The following SV2C variants were observed in gnomAD, a reference collection of about 807,000 sequenced individuals.
SV2C encodes solute carrier family 22 member B3.
SV2C carries 49 observed loss-of-function variants against 79.7 expected under a neutral mutation model. The ratio of observed to expected loss-of-function variants is 0.61; its 90% confidence interval spans 0.49 to 0.78. The LOEUF (loss-of-function observed/expected upper bound fraction) is 0.78, where lower values mean the gene tolerates loss of function less well. Among genes scored for constraint, SV2C ranks in the 30% least tolerant of loss-of-function variants. The probability of loss-of-function intolerance (pLI) is 0.00; values close to 1 mark genes in which losing one functional copy is unlikely to be tolerated. For synonymous variants in SV2C, 334 were observed against 333.2 expected, an observed-to-expected ratio of 1.00 and a Z score of -0.03; for missense variants, 833 against 912.9, an observed-to-expected ratio of 0.91 and a Z score of 1.13.
intron 4 of SV2C, among the ~76,000 whole-genome samples, chr5:76,230,450 A>G (rs1441499489): frequency 2.6e-5 from 4 of 152,206 alleles, no homozygotes; most frequent in Non-Finnish European, 4.4e-5. Flanking sequence ...GTTTCATTGG[A>G]GTTCATTTTA....
chr5:76,047,045 A>G, the SV2C span, among the ~76,000 whole-genome samples: 4 of 152,200 alleles, frequency 2.6e-5, no homozygotes, highest in Non-Finnish European at 4.4e-5. Context: ...GTTCTTCTTA[A>G]GTGGATGGCC....
chr5:75,952,212 C>G, the SV2C span, among the ~76,000 whole-genome samples: 3 of 151,838 alleles, frequency 2.0e-5, no homozygotes, highest in East Asian at 5.9e-4. Context: ...AATAACTTAA[C>G]TTATTCTGAT....
the SV2C span, among the ~76,000 whole-genome samples, chr5:76,070,302 T>C: frequency 6.6e-6 from 1 of 152,186 alleles, no homozygotes. Flanking sequence ...TGTGCATGTG[T>C]TTCCAGGTAA....
intron 12 of SV2C, among the ~76,000 whole-genome samples, chr5:76,306,967 T>C (rs1748213824): frequency 6.6e-6 from 1 of 152,230 alleles, no homozygotes; most frequent in African/African-American, 2.4e-5. Context: ...TGAAAACAGA[T>C]ACCACATTTG....
rs913498325 is a variant in SV2C at position 76,329,224 on chromosome 5, C to T, written c.*3677C>T. 1.3e-5 allele frequency: 2 copies of T among 152,210 alleles called. No individual in the cohort carries two copies. The highest frequency in any genetic ancestry group is 1.3e-4 in the Admixed American group (2 of 15,280). 9.4% of individuals were successfully genotyped at this position (152,210 alleles called of 1,614,324 possible). On this transcript the variant is annotated 3_prime_UTR_variant, in exon 13 of 13. Coordinates refer to ENST00000502798, the MANE Select transcript of SV2C (RefSeq NM_014979.4). ...GTCTGCCCTGCCAGCATCTCAGCAT[C>T]CTGACTAGTATCTCTGTTCACTGCA... is the stretch of plus-strand genomic sequence containing the variant.
chr5:76,034,654 T>C, the SV2C span, among the ~76,000 whole-genome samples: 6 of 152,340 alleles, frequency 3.9e-5, no homozygotes, highest in African/African-American at 1.2e-4. Flanking sequence ...GGTTTGCCAG[T>C]ATTTTATTGA....
chr5:76,186,483 G>A (rs531235948), intron 2 of SV2C, among the ~76,000 whole-genome samples: 2 of 152,274 alleles, frequency 1.3e-5, no homozygotes, highest in East Asian at 1.9e-4. Flanking sequence ...CCTGAGATCA[G>A]GAGTTCGATC....
In SV2C at chr5:76,348,065, T is replaced by G. The variant is rs540650330; in HGVS notation, c.2001-5065T>G. ...TCACTGACTTAAAGATCCTCTGTGC[T>G]CCAACTATTCATTCCTCTTTCAGCA... On this transcript the variant is annotated intron_variant, in intron 12 of 12. Transcript: ENST00000322285. Among the ~76,000 whole-genome samples, 101 of 152,308 alleles carry G rather than the reference T, an allele frequency of 6.6e-4. 1 individual carries two copies. The South Asian group carries it at 0.012, about 18-fold the overall frequency.
intron 4 of SV2C, among the ~76,000 whole-genome samples, chr5:76,249,522 T>C (rs561008945): frequency 2.2e-4 from 33 of 152,334 alleles, no homozygotes; most frequent in African/African-American, 7.9e-4. Context: ...AAAGCCAATT[T>C]GGGTAGCATT....
intron 12 of SV2C, among the ~76,000 whole-genome samples, chr5:76,307,915 C>G (rs977989056): frequency 7.2e-5 from 11 of 152,150 alleles, no homozygotes; most frequent in African/African-American, 1.7e-4. Context: ...GTGATGCTTT[C>G]TAAATTTCAT....
intron 4 of SV2C, among the ~76,000 whole-genome samples, chr5:76,241,394 G>T (rs1349711500): frequency 6.6e-6 from 1 of 152,106 alleles, no homozygotes; most frequent in Non-Finnish European, 1.5e-5. Context: ...AACAGGGAAA[G>T]TTTAGAGTGA....
At chr5:76,203,385 C>T (rs1031025670) in intron 3 of SV2C, among the ~76,000 whole-genome samples, 1 of 152,174 alleles carries the variant, frequency 6.6e-6, no homozygotes, top group Non-Finnish European at 1.5e-5. Context: ...GAAATGTATA[C>T]AGCAAGAGGC....
At chr5:76,062,421 A>G in the SV2C span, among the ~76,000 whole-genome samples, 4 of 152,200 alleles carry the variant, frequency 2.6e-5, no homozygotes, top group Non-Finnish European at 4.4e-5. Context: ...ACAAGGCACC[A>G]TCTTGGAAGC....
chr5:75,990,887 G>T, the SV2C span, among the ~76,000 whole-genome samples: 1 of 151,936 alleles, frequency 6.6e-6, no homozygotes, highest in Non-Finnish European at 1.5e-5. Flanking sequence ...ACAATGCATT[G>T]GCTGTGCACC....
At chr5:75,999,222 T>G in the SV2C span, among the ~76,000 whole-genome samples, 1 of 152,040 alleles carries the variant, frequency 6.6e-6, no homozygotes, top group African/African-American at 2.4e-5. Flanking sequence ...CAAGATGAGA[T>G]TTGGGTGGGG....
intron 2 of SV2C, among the ~76,000 whole-genome samples, chr5:76,194,389 G>A (rs181450147): frequency 1.6e-4 from 24 of 152,272 alleles, no homozygotes; most frequent in African/African-American, 5.5e-4. Context: ...CTGCTACATA[G>A]GCATTTCCCT....
chr5:76,311,850 C>A (rs1748453585), intron 12 of SV2C, among the ~76,000 whole-genome samples: 2 of 152,154 alleles, frequency 1.3e-5, no homozygotes, highest in Non-Finnish European at 2.9e-5. Flanking sequence ...TACTTTCAAC[C>A]CTCTTTGCGG....
intron 1 of SV2C, among the ~76,000 whole-genome samples, chr5:76,105,575 C>T (rs1747882838): frequency 1.3e-5 from 2 of 152,146 alleles, no homozygotes; most frequent in South Asian, 4.1e-4. Context: ...GCTCCCCCAG[C>T]CCTAGAGGTT....
the SV2C span, among the ~76,000 whole-genome samples, chr5:75,890,968 C>T: frequency 6.6e-6 from 1 of 152,006 alleles, no homozygotes; most frequent in Non-Finnish European, 1.5e-5. Context: ...TCATTTTCTC[C>T]TCTGAGCAAC....
Sources: gnomAD v4.1 joint callset for allele counts (sites outside exome capture counted in the v4.1 genomes callset) on GRCh38, gnomAD v4.1.1 for gene constraint, MANE v1.5 for transcripts, NCBI Gene and HGNC (gene_info 2026-07-23, HGNC 2026-07-21) for gene names.